The following SMPD4 variants were observed in gnomAD, a reference collection of about 807,000 sequenced individuals.
SMPD4 encodes the protein neutral sphingomyelinase 3.
A neutral mutation model predicts 97.8 loss-of-function variants in SMPD4; 58 were observed. That is an observed-to-expected ratio of 0.59 (90% CI 0.48 to 0.74). SMPD4 has a LOEUF of 0.74. SMPD4 is among the 30% of genes least tolerant of loss of function. The probability of loss-of-function intolerance (pLI) is 0.00; values close to 1 mark genes in which losing one functional copy is unlikely to be tolerated. For missense variants in SMPD4, 853 were observed against 1,080.5 expected (o/e 0.79, Z 2.95); for synonymous variants, 388 against 450.0 (o/e 0.86, Z 1.74).
chr2:130,165,434 A>AC (rs1053384362), intron 9 of SMPD4, among the ~76,000 whole-genome samples: 1 of 151,974 alleles, frequency 6.6e-6, no homozygotes, highest in South Asian at 2.1e-4. Flanking sequence ...CTCAAAAAAA[A>AC]AACAAAAAAA....
intron 3 of SMPD4, among the ~76,000 whole-genome samples, chr2:130,174,052 A>G (rs1688740495): frequency 6.6e-6 from 1 of 152,202 alleles, no homozygotes; most frequent in Non-Finnish European, 1.5e-5. Context: ...ACAAGGTCTC[A>G]CTCTGTTGCC....
At chr2:130,161,744 T>C (rs191151528) in intron 10 of SMPD4, among the ~76,000 whole-genome samples, 2 of 152,256 alleles carry the variant, frequency 1.3e-5, no homozygotes, top group African/African-American at 4.8e-5. Context: ...CACTGGGACA[T>C]GCTGCCAGCC....
At chr2:130,158,056 C>T (rs1377401034) in intron 11 of SMPD4, 6 of 515,766 alleles carry the variant, frequency 1.2e-5, no homozygotes, top group Non-Finnish European at 1.8e-5. Flanking sequence ...GGGAGGATCA[C>T]TTCAGCCCAG....
intron 11 of SMPD4, among the ~76,000 whole-genome samples, chr2:130,159,812 T>C (rs905671356): frequency 2.6e-5 from 4 of 151,972 alleles, no homozygotes; most frequent in African/African-American, 9.7e-5. Flanking sequence ...AGCCGTAACA[T>C]CCTTCCTGCA....
At position 130,161,279 on chromosome 2, in the gene SMPD4, T is replaced by C. The variant is rs560456905; in HGVS notation, c.865-7A>G. On this transcript the variant is annotated splice_region_variant and splice_polypyrimidine_tract_variant and intron_variant, in intron 10 of 19. Transcript: ENST00000680298. ...GGTAGTGCAGAACCTCCAGCTGAGA[T>C]AAGAAACAGAGAGATGCCGGAAGAG... 1.2e-6 allele frequency: 2 copies of C among 1,611,798 alleles called. No individual in the cohort carries two copies. Among genetic ancestry groups the C allele is most frequent in the South Asian group, 1.1e-5 (1 of 91,010 alleles).
intron 17 of SMPD4, 95 bp downstream of exon 17, chr2:130,153,607 C>A (rs1470855838): frequency 6.4e-7 from 1 of 1,551,020 alleles, no homozygotes; most frequent in Non-Finnish European, 8.8e-7. Flanking sequence ...TGTGTGGGGC[C>A]TGGGACTGGT....
At chr2:130,181,456 G>A (rs1573750750) in intron 1 of SMPD4, 74 bp downstream of exon 1, 2 of 1,537,172 alleles carry the variant, frequency 1.3e-6, no homozygotes, top group Non-Finnish European at 1.8e-6. Flanking sequence ...GAGGAACGGA[G>A]ATGGCCTCCG....
intron 8 of SMPD4, among the ~76,000 whole-genome samples, chr2:130,169,473 GA>G (rs909879578): frequency 1.3e-5 from 2 of 148,740 alleles, no homozygotes; most frequent in South Asian, 2.1e-4. Flanking sequence ...TTGGCTTAGA[GA>G]AAAAAAAACA....
chr2:130,181,480 A>G, intron 1 of SMPD4, 50 bp downstream of exon 1: 1 of 1,558,726 alleles, frequency 6.4e-7, no homozygotes, highest in Non-Finnish European at 8.7e-7. Flanking sequence ...GGGCTCGGGG[A>G]AGCCCCCAGG....
intron 10 of SMPD4, among the ~76,000 whole-genome samples, chr2:130,162,997 C>T (rs1051292742): frequency 2.8e-4 from 42 of 152,342 alleles, no homozygotes; most frequent in African/African-American, 9.6e-4. Flanking sequence ...TCCTCTGGCC[C>T]GTGAGGACAC....
Position 130,175,347 on chromosome 2 carries a change from A to T in SMPD4, c.40-347T>A, listed in dbSNP as rs540353471. Among the ~76,000 whole-genome samples the T allele has an allele frequency of 7.9e-5, 12 of 152,246 alleles. 1 individual carries two copies. The highest frequency in any genetic ancestry group is 5.9e-4 in the Admixed American group (9 of 15,290). On this transcript the variant is annotated intron_variant, in intron 2 of 19. Coordinates refer to ENST00000680298, the MANE Select transcript of SMPD4 (RefSeq NM_017951.5). ...AAGAGGATCTTGACTGTGTAAGGGC[A>T]CCCCTCACAAACCACAGAGTATAAC...
At chr2:130,155,442 G>A (rs1383083137) in intron 14 of SMPD4, among the ~76,000 whole-genome samples, 183 bp from the exon 15 acceptor site, 1 of 152,128 alleles carries the variant, frequency 6.6e-6, no homozygotes, top group Non-Finnish European at 1.5e-5. Flanking sequence ...CAGGACAGAG[G>A]CAGGTAAGAC....
Position 130,153,060 on chromosome 2 carries a change from AC to A in SMPD4, c.2136del (p.Ser713LeufsTer40), listed in dbSNP as rs750502468. On this transcript the variant is annotated frameshift_variant, in exon 19 of 20. Coordinates refer to ENST00000680298, the MANE Select transcript of SMPD4 (RefSeq NM_017951.5). LOFTEE classifies it high-confidence loss of function. ...ASLVRTLFRL[S>X]SAINHRFAGQ... ...CCACTCACTCTGTGGTTGATGGCAG[AC>A]GACAGCCTAAAGAGTGTGCGGACCA... is the stretch of plus-strand genomic sequence containing the variant. 6.2e-7 allele frequency: 1 copy of A among 1,611,754 alleles called. No individual in the cohort carries two copies. Among genetic ancestry groups the A allele is most frequent in the Non-Finnish European group, 8.5e-7 (1 of 1,179,698 alleles).
intron 8 of SMPD4, among the ~76,000 whole-genome samples, chr2:130,169,483 CACAT>C (rs918813705): frequency 6.6e-6 from 1 of 151,864 alleles, no homozygotes; most frequent in Non-Finnish European, 1.5e-5. Context: ...GAAAAAAAAA[CACAT>C]ACAATAGAGG....
intron 11 of SMPD4, among the ~76,000 whole-genome samples, chr2:130,159,336 T>C (rs1287043550): frequency 2.0e-5 from 3 of 152,116 alleles, no homozygotes; most frequent in Admixed American, 6.5e-5. Flanking sequence ...GGCAATGAAT[T>C]TGCATTGTTT....
chr2:130,166,852 G>A (rs1402333400), intron 9 of SMPD4, among the ~76,000 whole-genome samples: 1 of 152,360 alleles, frequency 6.6e-6, no homozygotes, highest in Admixed American at 6.5e-5. Flanking sequence ...AGGCTGCACA[G>A]ACCCCTCACC....
At position 130,153,373 on chromosome 2, in the gene SMPD4, G is replaced by A. The variant is rs765381872; in HGVS notation, c.1971C>T (p.Pro657=). ...TQDENGKKQL[P]DCIVGEDGLI... ...GTCCGTCCTCACCCACGATGCAGTC[G>A]GGGAGTTGCTTTTTTCCATTCTCAT... Residue 657 remains proline (P), a synonymous_variant, in exon 18 of 20, where the codon CCC becomes CCT. Coordinates refer to ENST00000680298, the MANE Select transcript of SMPD4 (RefSeq NM_017951.5). The A allele has an allele frequency of 8.1e-6, 13 of 1,613,740 alleles. No homozygotes were observed. The highest frequency in any genetic ancestry group is 4.0e-5 in the African/African-American group (3 of 74,928).
intron 1 of SMPD4, among the ~76,000 whole-genome samples, chr2:130,179,055 G>A (rs1277034110): frequency 1.3e-5 from 2 of 152,020 alleles, no homozygotes; most frequent in Non-Finnish European, 2.9e-5. Flanking sequence ...GTAGGCAGCT[G>A]TAGAGTGAGA....
At chr2:130,159,608 A>C (rs1257224261) in intron 11 of SMPD4, 1 of 151,512 alleles carries the variant, frequency 6.6e-6, no homozygotes, top group East Asian at 2.0e-4. Context: ...AATGCATTCC[A>C]GCCTGGGCAA....
Sources: gnomAD v4.1 joint callset for allele counts (sites outside exome capture counted in the v4.1 genomes callset) on GRCh38, gnomAD v4.1.1 for gene constraint, MANE v1.5 for transcripts, NCBI Gene and HGNC (gene_info 2026-07-23, HGNC 2026-07-21) for gene names.